GPHN: variants seen among roughly 807,000 people sequenced by gnomAD.
GPHN encodes the protein gephyrin.
Under a neutral mutation model 95.5 loss-of-function variants are expected in GPHN, and 17 were observed. That is an observed-to-expected ratio of 0.18 (90% CI 0.12 to 0.27). The LOEUF (loss-of-function observed/expected upper bound fraction) is 0.27. Ranked by LOEUF, GPHN falls within the 10% of genes least tolerant of loss-of-function variation. The probability of loss-of-function intolerance (pLI) is 1.00; values close to 1 mark genes in which losing one functional copy is unlikely to be tolerated. For synonymous variants in GPHN, 320 were observed against 322.5 expected (o/e 0.99, Z 0.08); for missense variants, 660 against 978.1 (o/e 0.67, Z 4.34).
chr14:66,914,948 TATC>T (rs985610584), intron 5 of GPHN, among the ~76,000 whole-genome samples: 1 of 152,088 alleles, frequency 6.6e-6, no homozygotes, highest in Non-Finnish European at 1.5e-5. Flanking sequence ...TTTGAAGAAA[TATC>T]ATTAAGATTA....
the GPHN span, among the ~76,000 whole-genome samples, chr14:67,608,084 AAT>A: frequency 2.3e-3 from 355 of 152,094 alleles, 2 homozygotes; most frequent in African/African-American, 8.1e-3. Context: ...CAAAAAAAAA[AAT>A]CAAAAAAATT....
At chr14:67,560,729 T>C in the GPHN span, among the ~76,000 whole-genome samples, 2 of 107,290 alleles carry the variant, frequency 1.9e-5, no homozygotes, top group African/African-American at 6.4e-5. Flanking sequence ...ACATATATCT[T>C]TTTTTTTTTT....
At chr14:67,256,374 T>C in the GPHN span, among the ~76,000 whole-genome samples, 1 of 152,086 alleles carries the variant, frequency 6.6e-6, no homozygotes, top group Non-Finnish European at 1.5e-5. Context: ...CAATAAAAAG[T>C]AGAAAGATCA....
chr14:66,687,051 G>C (rs1315694223), intron 2 of GPHN, among the ~76,000 whole-genome samples: 1 of 152,060 alleles, frequency 6.6e-6, no homozygotes, highest in Non-Finnish European at 1.5e-5. Flanking sequence ...GCTGGATTAC[G>C]TTTATTGATT....
At chr14:67,283,796 G>A in the GPHN span, among the ~76,000 whole-genome samples, 3 of 152,252 alleles carry the variant, frequency 2.0e-5, no homozygotes, top group Non-Finnish European at 4.4e-5. Flanking sequence ...CTATAGAAAA[G>A]TAACTGCTAC....
the GPHN span, among the ~76,000 whole-genome samples, chr14:67,230,435 G>T: frequency 1.3e-5 from 2 of 152,130 alleles, no homozygotes; most frequent in African/African-American, 4.8e-5. Context: ...AGCTGGGTAT[G>T]ATGGCCCATA....
chr14:67,544,238 T>C, the GPHN span, among the ~76,000 whole-genome samples: 1 of 152,148 alleles, frequency 6.6e-6, no homozygotes, highest in Non-Finnish European at 1.5e-5. Flanking sequence ...TAGTTAAGGC[T>C]CTGGGTAGAA....
intron 2 of GPHN, among the ~76,000 whole-genome samples, chr14:66,681,815 T>G (rs964751017): frequency 5.3e-5 from 8 of 152,086 alleles, no homozygotes; most frequent in African/African-American, 1.9e-4. Flanking sequence ...ATACTATCTA[T>G]GAACATACCT....
chr14:67,634,816 T>A, the GPHN span, among the ~76,000 whole-genome samples: 1 of 152,186 alleles, frequency 6.6e-6, no homozygotes, highest in Non-Finnish European at 1.5e-5. Flanking sequence ...CTTAAATAAT[T>A]TAACCTTTGA....
chr14:66,652,263 A>G (rs1244948010), intron 1 of GPHN, among the ~76,000 whole-genome samples: 1 of 152,154 alleles, frequency 6.6e-6, no homozygotes, highest in African/African-American at 2.4e-5. Context: ...TATTCACTTC[A>G]TTCCCCTATT....
At chr14:67,592,840 C>T in the GPHN span, 2 of 642,044 alleles carry the variant, frequency 3.1e-6, no homozygotes, top group South Asian at 1.9e-5. Context: ...AGCTGCAGTG[C>T]AGTGGCGCAA....
intron 8 of GPHN, among the ~76,000 whole-genome samples, chr14:66,962,337 G>GT (rs1244757295): frequency 0.025 from 3,440 of 137,914 alleles, 134 homozygotes; most frequent in African/African-American, 0.082. Flanking sequence ...GGCAGTTTTT[G>GT]TTTTTTTTTT....
At chr14:67,441,068 T>C in the GPHN span, among the ~76,000 whole-genome samples, 1 of 152,162 alleles carries the variant, frequency 6.6e-6, no homozygotes, top group Admixed American at 6.5e-5. Flanking sequence ...CTTAAATCTT[T>C]TGGGGAGAAA....
At chr14:67,280,271 T>C in the GPHN span, among the ~76,000 whole-genome samples, 4 of 152,266 alleles carry the variant, frequency 2.6e-5, no homozygotes, top group African/African-American at 4.8e-5. Flanking sequence ...ATTTACTGCC[T>C]GCCCTTCTTG....
At chr14:66,817,087 A>G (rs550055910) in intron 3 of GPHN, among the ~76,000 whole-genome samples, 1 of 152,264 alleles carries the variant, frequency 6.6e-6, no homozygotes, top group African/African-American at 2.4e-5. Flanking sequence ...AAAAGGGTAT[A>G]CGATCTCTAA....
At chr14:67,158,236 G>A (rs1017637426) in intron 18 of GPHN, among the ~76,000 whole-genome samples, 15 of 151,308 alleles carry the variant, frequency 9.9e-5, no homozygotes, top group African/African-American at 3.7e-4. Flanking sequence ...GAACCCAGGA[G>A]GAGGAGGATG....
chr14:66,863,418 C>T (rs1007476216), intron 4 of GPHN, among the ~76,000 whole-genome samples: 9 of 152,044 alleles, frequency 5.9e-5, no homozygotes, highest in African/African-American at 1.7e-4. Context: ...AGATTCAATG[C>T]AATCCCTATC....
chr14:67,443,586 A>AAAAG, the GPHN span, among the ~76,000 whole-genome samples: 6 of 152,070 alleles, frequency 3.9e-5, no homozygotes, highest in Admixed American at 3.3e-4. Context: ...AGGAAAAAAA[A>AAAAG]AAAGAAAGAA....
intron 8 of GPHN, among the ~76,000 whole-genome samples, chr14:66,951,719 T>C (rs938855982): frequency 6.6e-6 from 1 of 152,160 alleles, no homozygotes; most frequent in African/African-American, 2.4e-5. Flanking sequence ...AGAATTAATA[T>C]TTAGACCAAT....
Sources: allele counts gnomAD v4.1 joint callset (sites outside exome capture counted in the v4.1 genomes callset), GRCh38; gene constraint gnomAD v4.1.1; transcripts MANE v1.5; gene names NCBI Gene and HGNC (gene_info 2026-07-23, HGNC 2026-07-21).